The following NEK10 variants were observed in gnomAD, a reference collection of about 807,000 sequenced individuals.
NEK10 encodes serine/threonine-protein kinase Nek10.
NEK10 carries 122 observed loss-of-function variants against 159.8 expected under a neutral mutation model. That is an observed-to-expected ratio of 0.76 (90% confidence interval 0.66 to 0.89). The LOEUF is 0.89. Among genes scored for constraint, NEK10 ranks in the 40% least tolerant of loss-of-function variants. The probability of loss-of-function intolerance (pLI) is 0.00; values close to 1 mark genes in which losing one functional copy is unlikely to be tolerated. For missense variants in NEK10, 1,342 were observed against 1,323.1 expected (o/e 1.01, Z -0.22); for synonymous variants, 466 against 457.1 (o/e 1.02, Z -0.25).
chr3:27,199,686 T>C (rs142421555), intron 25 of NEK10, among the ~76,000 whole-genome samples: 2,819 of 152,186 alleles, frequency 0.019, 77 homozygotes, highest in African/African-American at 0.064. Flanking sequence ...CTATTCACAA[T>C]AGCAAAGACA....
At chr3:27,366,649 G>A (rs1204540928) in intron 1 of NEK10, among the ~76,000 whole-genome samples, 2 of 152,170 alleles carry the variant, frequency 1.3e-5, no homozygotes, top group East Asian at 1.9e-4. Flanking sequence ...GAGACTCAGA[G>A]CTGTATCAGA....
chr3:27,261,084 T>G (rs932210508), intron 22 of NEK10, among the ~76,000 whole-genome samples: 1 of 152,244 alleles, frequency 6.6e-6, no homozygotes. Flanking sequence ...TTATCATTTT[T>G]TATTGCGTCT....
At chr3:27,331,328 C>G (rs2046407541) in intron 5 of NEK10, among the ~76,000 whole-genome samples, 1 of 150,080 alleles carries the variant, frequency 6.7e-6, no homozygotes. Flanking sequence ...ATGGTGCTAA[C>G]TTGAACATCT....
chr3:27,139,308 C>T (rs1345378079), intron 31 of NEK10, among the ~76,000 whole-genome samples: 2 of 152,120 alleles, frequency 1.3e-5, no homozygotes, highest in African/African-American at 2.4e-5. Context: ...GAACATGAAC[C>T]TTTCTTTGCT....
chr3:27,225,653 T>C (rs150977214), intron 23 of NEK10, among the ~76,000 whole-genome samples: 4 of 152,308 alleles, frequency 2.6e-5, no homozygotes, highest in African/African-American at 9.6e-5. Flanking sequence ...GCCAACATTG[T>C]ATTGGGTCAG....
At chr3:27,232,030 CAA>C (rs1357000545) in intron 23 of NEK10, among the ~76,000 whole-genome samples, 1 of 151,574 alleles carries the variant, frequency 6.6e-6, no homozygotes, top group East Asian at 1.9e-4. Context: ...AAGGACATAA[CAA>C]AAAAAGAAAA....
chr3:27,242,734 T>G (rs1954690600), intron 23 of NEK10, among the ~76,000 whole-genome samples: 1 of 152,178 alleles, frequency 6.6e-6, no homozygotes, highest in Admixed American at 6.5e-5. Flanking sequence ...TCAGAAGAAT[T>G]AAGGTGAGGA....
chr3:27,201,595 G>A lies in NEK10; in HGVS notation c.2221-15C>T. 1 of 1,605,782 alleles carries A rather than the reference G, an allele frequency of 6.2e-7. No individual in the cohort carries two copies. Among genetic ancestry groups the A allele is most frequent in the Non-Finnish European group, 8.5e-7 (1 of 1,173,120 alleles). On this transcript the variant is annotated splice_polypyrimidine_tract_variant and intron_variant, in intron 24 of 35. Coordinates refer to ENST00000691995, the MANE Select transcript of NEK10 (RefSeq NM_001394966.1). ...GCCTCCACTATCTGCAAAACAAACA[G>A]ACTAGAGTGATGGAAGTAAAGGGGC...
chr3:27,122,203 T>C (rs181553765), intron 32 of NEK10, among the ~76,000 whole-genome samples: 2 of 152,246 alleles, frequency 1.3e-5, no homozygotes, highest in East Asian at 3.9e-4. Context: ...GATGGTTTTA[T>C]AAGTGTCTGG....
intron 13 of NEK10, 22 bp downstream of exon 13, chr3:27,301,674 T>C: frequency 6.8e-7 from 1 of 1,480,334 alleles, no homozygotes; most frequent in South Asian, 1.2e-5. Flanking sequence ...TTATAGCATA[T>C]CAAATAATAA....
intron 29 of NEK10, among the ~76,000 whole-genome samples, chr3:27,167,754 T>C (rs922422433): frequency 2.0e-5 from 3 of 152,256 alleles, no homozygotes; most frequent in African/African-American, 7.2e-5. Flanking sequence ...TATTCCTCTC[T>C]TGATCTTGCC....
chr3:27,197,798 T>C (rs1014401055), intron 25 of NEK10, among the ~76,000 whole-genome samples: 1 of 54,768 alleles, frequency 1.8e-5, no homozygotes, highest in Non-Finnish European at 3.5e-5. Context: ...CTTTCTTTCT[T>C]TTTTTTTTTT....
At chr3:27,331,262 A>AACAAAC (rs1553639046) in intron 5 of NEK10, among the ~76,000 whole-genome samples, 1 of 110,082 alleles carries the variant, frequency 9.1e-6, no homozygotes, top group Non-Finnish European at 2.0e-5. Flanking sequence ...AAAAAAAAAA[A>AACAAAC]ACACACAAAC....
intron 23 of NEK10, among the ~76,000 whole-genome samples, chr3:27,217,265 C>A (rs1951632221): frequency 1.3e-5 from 2 of 152,124 alleles, no homozygotes; most frequent in Admixed American, 1.3e-4. Context: ...TGTATTCGTC[C>A]ACTCTCGCAT....
At chr3:27,276,480 C>A (rs979316820) in intron 22 of NEK10, among the ~76,000 whole-genome samples, 4 of 152,142 alleles carry the variant, frequency 2.6e-5, no homozygotes, top group Non-Finnish European at 4.4e-5. Context: ...CAATCTGTCC[C>A]AGGAGGTCAG....
At chr3:27,172,014 G>A (rs1947035602) in intron 28 of NEK10, 141 bp from the exon 29 acceptor site, 2 of 900,382 alleles carry the variant, frequency 2.2e-6, no homozygotes, top group South Asian at 3.6e-5. Context: ...TGGTGGGACT[G>A]TAAATTAGTG....
chr3:27,182,137 A>T (rs899240565), intron 26 of NEK10, among the ~76,000 whole-genome samples: 1 of 152,176 alleles, frequency 6.6e-6, no homozygotes, highest in African/African-American at 2.4e-5. Flanking sequence ...GCACAGCATG[A>T]TGATTATACT....
chr3:27,358,574 G>A (rs568515804), intron 1 of NEK10, among the ~76,000 whole-genome samples: 32 of 152,300 alleles, frequency 2.1e-4, no homozygotes, highest in African/African-American at 7.5e-4. Context: ...ATGTGACAGA[G>A]AAAGAAACAC....
chr3:27,268,305 T>C (rs760895652), intron 22 of NEK10, among the ~76,000 whole-genome samples: 2 of 152,198 alleles, frequency 1.3e-5, no homozygotes, highest in Non-Finnish European at 2.9e-5. Context: ...GGAATAGATA[T>C]CCAATGTAGA....
Sources: gnomAD v4.1 joint callset for allele counts (sites outside exome capture counted in the v4.1 genomes callset) on GRCh38, gnomAD v4.1.1 for gene constraint, MANE v1.5 for transcripts, NCBI Gene and HGNC (gene_info 2026-07-23, HGNC 2026-07-21) for gene names.